EDIL3: variants seen among roughly 807,000 people sequenced by gnomAD.
The protein encoded by EDIL3 is EGF-like repeat and discoidin I-like domain-containing protein 3.
A neutral mutation model predicts 67.4 loss-of-function variants in EDIL3; 37 were observed. That is an observed-to-expected ratio of 0.55 (90% CI 0.42 to 0.72). EDIL3 has a LOEUF of 0.72. Ranked by LOEUF, EDIL3 falls within the 30% of genes least tolerant of loss-of-function variation. EDIL3 has a pLI of 0.00. For synonymous variants in EDIL3, 195 were observed against 196.3 expected (o/e 0.99, Z 0.05); for missense variants, 527 against 586.3 (o/e 0.90, Z 1.04).
intron 2 of EDIL3, among the ~76,000 whole-genome samples, chr5:84,241,935 A>G (rs557162202): frequency 6.6e-6 from 1 of 151,960 alleles, no homozygotes; most frequent in South Asian, 2.1e-4. Flanking sequence ...ATTTATACAA[A>G]AGCAGCCGGG....
intron 1 of EDIL3, among the ~76,000 whole-genome samples, chr5:84,282,763 T>A (rs1745729677): frequency 6.6e-6 from 1 of 152,220 alleles, no homozygotes; most frequent in African/African-American, 2.4e-5. Flanking sequence ...TATCTGTGAA[T>A]CAATGAGTAT....
chr5:84,258,349 G>A (rs1250582863), intron 1 of EDIL3, among the ~76,000 whole-genome samples: 3 of 152,174 alleles, frequency 2.0e-5, no homozygotes, highest in Non-Finnish European at 4.4e-5. Context: ...TGAGGGTGGG[G>A]ATGGTCGGGA....
chr5:84,159,323 A>G (rs1329084123), intron 4 of EDIL3, among the ~76,000 whole-genome samples: 3 of 152,062 alleles, frequency 2.0e-5, no homozygotes, highest in Non-Finnish European at 4.4e-5. Flanking sequence ...TTCTGATTGA[A>G]ATTTTATCGT....
intron 1 of EDIL3, among the ~76,000 whole-genome samples, chr5:84,269,890 CT>C (rs1243223755): frequency 6.6e-6 from 1 of 152,126 alleles, no homozygotes; most frequent in East Asian, 1.9e-4. Context: ...TGGGATAACT[CT>C]TTATACAGCA....
intron 4 of EDIL3, among the ~76,000 whole-genome samples, chr5:84,176,201 ATATATAT>A: frequency 1.1e-4 from 1 of 9,192 alleles, no homozygotes; most frequent in African/African-American, 2.0e-4. Context: ...TATATATAAT[ATATATAT>A]ATATATATAT....
intron 6 of EDIL3, among the ~76,000 whole-genome samples, chr5:84,073,848 T>A (rs2112249136): frequency 6.6e-6 from 1 of 152,258 alleles, no homozygotes; most frequent in African/African-American, 2.4e-5. Context: ...AAAAAACTAC[T>A]TTAAAGTTCA....
intron 6 of EDIL3, among the ~76,000 whole-genome samples, chr5:84,078,113 T>C (rs1307866141): frequency 6.6e-6 from 1 of 152,180 alleles, no homozygotes; most frequent in Non-Finnish European, 1.5e-5. Context: ...TATCTGTTAG[T>C]TGTTAGTAAA....
At chr5:84,067,154 T>C (rs1224691550) in intron 6 of EDIL3, among the ~76,000 whole-genome samples, 1 of 152,192 alleles carries the variant, frequency 6.6e-6, no homozygotes, top group East Asian at 1.9e-4. Flanking sequence ...CTTTACACTG[T>C]AGTCTGTGGA....
intron 1 of EDIL3, among the ~76,000 whole-genome samples, chr5:84,283,523 C>T (rs1288643026): frequency 6.6e-6 from 1 of 152,094 alleles, no homozygotes; most frequent in Non-Finnish European, 1.5e-5. Context: ...CAGTCTACAG[C>T]TTAAAAACCT....
At chr5:84,297,001 T>C (rs1392227252) in intron 1 of EDIL3, among the ~76,000 whole-genome samples, 2 of 151,684 alleles carry the variant, frequency 1.3e-5, no homozygotes, top group Non-Finnish European at 2.9e-5. Flanking sequence ...GCTAATATGG[T>C]GAAACCCCGT....
In EDIL3 at chr5:84,059,564, TACTATA is replaced by T. The variant is rs1461294582; in HGVS notation, c.1137+730_1137+735del. 9.8e-5 allele frequency among the ~76,000 whole-genome samples: 15 copies of T among 152,312 alleles called. No individual in the cohort carries two copies. In the South Asian group the frequency reaches 3.1e-3, roughly 32 times the overall value. ...CATGATTTCTGGGAATGCAATGAACTACTATAGTTTTTAAACTCATGAATACAGCAT... is the reference window on the plus strand; with the variant it reads ...CATGATTTCTGGGAATGCAATGAACTGTTTTTAAACTCATGAATACAGCAT... On this transcript the variant is annotated intron_variant, in intron 9 of 10. Transcript: ENST00000296591.
At chr5:84,318,593 T>G (rs1305732963) in intron 1 of EDIL3, among the ~76,000 whole-genome samples, 1 of 152,204 alleles carries the variant, frequency 6.6e-6, no homozygotes, top group Non-Finnish European at 1.5e-5. Context: ...CTGGGAAAAC[T>G]GGTTAGCCAC....
At chr5:84,114,116 G>T (rs183503089) in intron 5 of EDIL3, among the ~76,000 whole-genome samples, 9 of 149,410 alleles carry the variant, frequency 6.0e-5, no homozygotes, top group Admixed American at 1.3e-4. Flanking sequence ...TCTTTCTCAC[G>T]CTGTGGCCTG....
intron 9 of EDIL3, among the ~76,000 whole-genome samples, chr5:84,050,535 G>A (rs1435477470): frequency 2.0e-5 from 3 of 152,218 alleles, no homozygotes; most frequent in Admixed American, 6.5e-5. Context: ...CCTGGGAAGT[G>A]CAAGGGGTCA....
At chr5:84,028,052 G>A (rs779568840) in intron 9 of EDIL3, among the ~76,000 whole-genome samples, 6 of 151,990 alleles carry the variant, frequency 3.9e-5, no homozygotes, top group South Asian at 2.1e-4. Flanking sequence ...AATCCTCCAC[G>A]TTTTTTCCTA....
chr5:84,342,955 C>G (rs765498454), intron 1 of EDIL3, among the ~76,000 whole-genome samples: 2 of 152,078 alleles, frequency 1.3e-5, no homozygotes, highest in African/African-American at 2.4e-5. Context: ...GACTTTCTAA[C>G]TTTCAGAGCC....
chr5:84,380,185 C>G (rs189572692), intron 1 of EDIL3, among the ~76,000 whole-genome samples: 1 of 152,020 alleles, frequency 6.6e-6, no homozygotes, highest in African/African-American at 2.4e-5. Context: ...ACATTATAAT[C>G]ATTACATGGA....
intron 10 of EDIL3, among the ~76,000 whole-genome samples, chr5:83,956,850 C>A (rs1169758950): frequency 6.6e-6 from 1 of 151,536 alleles, no homozygotes; most frequent in Non-Finnish European, 1.5e-5. Flanking sequence ...ATATACATAC[C>A]TGTCTATGTA....
At chr5:84,113,344 T>C (rs1747607007) in intron 5 of EDIL3, among the ~76,000 whole-genome samples, 1 of 152,210 alleles carries the variant, frequency 6.6e-6, no homozygotes, top group Admixed American at 6.5e-5. Flanking sequence ...GCACCTTTTA[T>C]ACAGTCATTT....
Sources: allele counts gnomAD v4.1 joint callset (sites outside exome capture counted in the v4.1 genomes callset), GRCh38; gene constraint gnomAD v4.1.1; transcripts MANE v1.5; gene names NCBI Gene and HGNC (gene_info 2026-07-23, HGNC 2026-07-21).